The following ZMYM6 variants were observed in gnomAD, a reference collection of about 807,000 sequenced individuals.
ZMYM6 encodes zinc finger MYM-type containing 6, also known as zinc finger MYM-type protein 6.
In ZMYM6, 90 loss-of-function variants were observed where a neutral mutation model predicts 134.0. That is an observed-to-expected ratio of 0.67 (90% CI 0.57 to 0.80). The LOEUF (loss-of-function observed/expected upper bound fraction) is 0.80, where lower values mean the gene tolerates loss of function less well. Among genes scored for constraint, ZMYM6 ranks in the 30% least tolerant of loss-of-function variants. The probability of loss-of-function intolerance (pLI) is 0.00; values close to 1 mark genes in which losing one functional copy is unlikely to be tolerated. For synonymous variants in ZMYM6, 481 were observed against 524.1 expected (o/e 0.92, Z 1.12); for missense variants, 1,362 against 1,533.9 (o/e 0.89, Z 1.87).
intron 15 of ZMYM6, among the ~76,000 whole-genome samples, chr1:34,990,941 C>T (rs968935836): frequency 3.3e-5 from 5 of 152,054 alleles, no homozygotes; most frequent in South Asian, 2.1e-4. Context: ...CTCAGCTCAC[C>T]GCAACCTCTA....
intron 2 of ZMYM6, among the ~76,000 whole-genome samples, chr1:35,028,944 A>C (rs1261813032): frequency 2.6e-5 from 4 of 151,696 alleles, no homozygotes; most frequent in African/African-American, 9.7e-5. Context: ...TAATCCTAGC[A>C]CTTTGGGAGG....
Position 35,011,880 on chromosome 1 carries a change from T to C in ZMYM6, c.1062+10A>G, listed in dbSNP as rs371133119. 7.0e-6 allele frequency: 11 copies of C among 1,578,708 alleles called. No homozygotes were observed. In the African/African-American group the frequency reaches 1.2e-4, roughly 17 times the overall value. On this transcript the variant is annotated intron_variant, in intron 8 of 15. Coordinates refer to ENST00000357182, the MANE Select transcript of ZMYM6 (RefSeq NM_007167.4). Reference sequence around the variant, plus strand: ...GAACCACATGCATAATGTGCTACCTTAGATCATACCTGGAAAGCAACCACA... The same window carrying C: ...GAACCACATGCATAATGTGCTACCTCAGATCATACCTGGAAAGCAACCACA...
chr1:35,010,646 T>C, intron 9 of ZMYM6, 49 bp from the exon 10 acceptor site: 1 of 1,561,508 alleles, frequency 6.4e-7, no homozygotes, highest in East Asian at 2.2e-5. Context: ...AGTTGCTTTA[T>C]CTTTAAGAAC....
At chr1:35,017,554 A>G in intron 4 of ZMYM6, 1 of 152,222 alleles carries the variant, frequency 6.6e-6, no homozygotes, top group East Asian at 1.9e-4. Context: ...GTTATATCGT[A>G]ACATTTACCG....
intron 15 of ZMYM6, chr1:34,989,946 T>A (rs1433855898): frequency 6.6e-6 from 1 of 152,050 alleles, no homozygotes; most frequent in Admixed American, 6.6e-5. Flanking sequence ...AAAATAATGT[T>A]TTACTTTCAA....
chr1:35,014,737 T>A lies in ZMYM6; in HGVS notation c.755A>T (p.Gln252Leu), dbSNP rs750472987. The A allele has an allele frequency of 2.5e-6, 4 of 1,613,976 alleles. No individual in the cohort carries two copies. The African/African-American group carries it at 5.3e-5, about 22-fold the overall frequency. The change falls in exon 6 of 16, where the codon CAG (glutamine) becomes CTG (leucine). Residue 252 changes from glutamine to leucine, a missense_variant. By Grantham distance (113) the Gln-to-Leu change is moderately radical. This residue lies in a region of ZMYM6 where 503 missense variants were observed against 520.8 expected (regional missense o/e 0.97). Coordinates refer to ENST00000357182, the MANE Select transcript of ZMYM6 (RefSeq NM_007167.4). ...CYSSSGPCQS[Q>L]KVFSSTSVTA... The stretch of plus-strand genomic sequence containing the variant: ...GACACTTGTTGAACTAAAAACCTTC[T>A]GGGATTGGCAAGGACCAGAGCTACT...
chr1:35,030,922 AAT>A (rs1641510640), intron 1 of ZMYM6, among the ~76,000 whole-genome samples: 1 of 152,136 alleles, frequency 6.6e-6, no homozygotes. Context: ...CCACTTCTCT[AAT>A]ATCTTTAAAG....
intron 14 of ZMYM6, among the ~76,000 whole-genome samples, chr1:34,992,835 ATATACT>A (rs1433136149): frequency 6.9e-6 from 1 of 145,550 alleles, no homozygotes; most frequent in African/African-American, 2.5e-5. Context: ...AAATATAAAA[ATATACT>A]TATAAACTAT....
chr1:35,008,807 A>G lies in ZMYM6; in HGVS notation c.1610T>C (p.Leu537Ser), dbSNP rs770392540. ...ACAATCTTCACAACAAAACTCTTCT[A>G]ACTTGCCCTCCAATCGATTTTCTAC... Reference protein sequence around the residue: ...NLVENRLEGKLEEFCCEDCMS... With the variant: ...NLVENRLEGKSEEFCCEDCMS... The change falls in exon 11 of 16, where the codon TTA becomes TCA. Residue 537 changes from leucine to serine, a missense_variant. Physicochemically the swap from Leu to Ser is moderately radical, Grantham distance 145. Around this residue, in one of 3 missense-constraint regions of ZMYM6, gnomAD observed 824 missense variants for 940.9 expected, o/e 0.88. Transcript: ENST00000357182. 4.3e-6 allele frequency: 7 copies of G among 1,614,154 alleles called. No individual in the cohort carries two copies. Among genetic ancestry groups the G allele is most frequent in the Non-Finnish European group, 5.9e-6 (7 of 1,179,998 alleles).
At chr1:35,015,412 G>GAGTGA (rs1293275408) in intron 4 of ZMYM6, among the ~76,000 whole-genome samples, 1 of 152,138 alleles carries the variant, frequency 6.6e-6, no homozygotes, top group East Asian at 1.9e-4. Context: ...AATTTGTCAA[G>GAGTGA]AGTGAATTAT....
intron 2 of ZMYM6, among the ~76,000 whole-genome samples, chr1:35,022,811 T>C (rs879366312): frequency 1.2e-4 from 18 of 152,148 alleles, no homozygotes; most frequent in African/African-American, 4.1e-4. Context: ...ATCACATCCA[T>C]TATGGACAAT....
chr1:35,014,885 G>C lies in ZMYM6; in HGVS notation c.607C>G (p.Arg203Gly), dbSNP rs764533752. The change falls in exon 6 of 16, where the codon CGA (arginine) becomes GGA (glycine). Residue 203 changes from arginine (R) to glycine (G), a missense_variant. Transcript: ENST00000357182. Reference protein sequence around the residue: ...CSMCQKNADTRFEVKYQNVVH... With the variant: ...CSMCQKNADTGFEVKYQNVVH... ...ACATTTTGATATTTAACTTCAAATC[G>C]AGTCTAGGAAATAAACACACACATA... 3.7e-6 allele frequency: 6 copies of C among 1,613,758 alleles called. No homozygotes were observed. The highest frequency in any genetic ancestry group is 4.2e-6 in the Non-Finnish European group (5 of 1,179,868).
chr1:35,003,180 CAAAAAAAAAAAAAA>C (rs202093628), intron 14 of ZMYM6, among the ~76,000 whole-genome samples: 1 of 63,058 alleles, frequency 1.6e-5, no homozygotes, highest in Non-Finnish European at 3.9e-5. Context: ...GACCCTGTCT[CAAAAAAAAAAAAAA>C]AAAAAAAAAG....
chr1:35,012,408 A>C, intron 7 of ZMYM6, 23 bp downstream of exon 7: 3 of 1,462,182 alleles, frequency 2.1e-6, no homozygotes, highest in Non-Finnish European at 2.7e-6. Flanking sequence ...TAAATCTATA[A>C]ATTTATCAAA....
chr1:35,019,480 T>G lies in ZMYM6; in HGVS notation c.301A>C (p.Lys101Gln), dbSNP rs371367325. 53 of 1,614,026 alleles carry G rather than the reference T, an allele frequency of 3.3e-5. No homozygotes were observed. Among genetic ancestry groups the G allele is most frequent in the Admixed American group, 5.0e-5 (3 of 59,984 alleles). The change falls in exon 4 of 16, where the codon AAG becomes CAG. Residue 101 changes from lysine to glutamine, a missense_variant. Physicochemically the swap from Lys to Gln is moderately conservative, Grantham distance 53 (BLOSUM62 1). Transcript: ENST00000357182. ...GTCTTATGATATGCAGTTTGGCCCT[T>G]ATAAAGCATTTTTTTACAACCAGAA... ...FCSGCKKMLYKGQTAYHKTGS... is the reference protein window; with the variant it reads ...FCSGCKKMLYQGQTAYHKTGS...
In ZMYM6 at chr1:34,987,939, C is replaced by T. The variant is rs536584331; in HGVS notation, c.3143G>A (p.Arg1048His). 21 of 1,551,632 alleles carry T rather than the reference C, an allele frequency of 1.4e-5. No homozygotes were observed. Among genetic ancestry groups the T allele is most frequent in the South Asian group, 8.3e-5 (7 of 84,058 alleles). Residue 1048 changes from arginine to histidine, a missense_variant, in exon 16 of 16, where the codon CGT becomes CAT. By Grantham distance (29) the Arg-to-His change is conservative. This residue lies in a region of ZMYM6 where 824 missense variants were observed against 940.9 expected (regional missense o/e 0.88). Transcript: ENST00000357182. ...SFIKSNALNS[R>H]MLTILCEEMG... ...CTCTTCACACAAAATTGTTAACATA[C>T]GTGAATTTAATGCATTGCTCTTTAT... is the stretch of plus-strand genomic sequence containing the variant.
rs1411981851 is a variant in ZMYM6, at chr1:35,019,598, C to A, written c.183G>T (p.Gln61His). ...AAAGCTGAAAGCCTGGGTTCAACTGCTGGGCTATCAAAACAAAATAAAAAA... is the reference window on the plus strand; with the variant it reads ...AAAGCTGAAAGCCTGGGTTCAACTGATGGGCTATCAAAACAAAATAAAAAA... Reference protein sequence around the residue: ...VSSVNERPIAQQLNPGFQLSF... With the variant: ...VSSVNERPIAHQLNPGFQLSF... The change falls in exon 4 of 16, where the codon CAG (glutamine) becomes CAT (histidine). Residue 61 changes from glutamine (Q) to histidine (H), a missense_variant. Around this residue, in one of 3 missense-constraint regions of ZMYM6, gnomAD observed 503 missense variants for 520.8 expected, o/e 0.97. Coordinates refer to ENST00000357182, the MANE Select transcript of ZMYM6 (RefSeq NM_007167.4). The A allele has an allele frequency of 5.0e-6, 8 of 1,586,368 alleles. No individual in the cohort carries two copies. The highest frequency in any genetic ancestry group is 6.8e-6 in the Non-Finnish European group (8 of 1,172,502).
chr1:35,013,888 CACCATGTTGGTCAGGCTGGTCTCGA>C (rs1355510405), intron 6 of ZMYM6, among the ~76,000 whole-genome samples: 2 of 152,166 alleles, frequency 1.3e-5, no homozygotes, highest in African/African-American at 2.4e-5. Context: ...GACAGGGTTT[CACCATGTTGGTCAGGCTGGTCTCGA>C]ACCCCTGACC....
chr1:35,009,094 C>CTTTTA (rs920180009), intron 10 of ZMYM6, among the ~76,000 whole-genome samples, 170 bp from the exon 11 acceptor site: 1 of 152,052 alleles, frequency 6.6e-6, no homozygotes, highest in Admixed American at 6.6e-5. Context: ...CTCATACCAC[C>CTTTTA]TTTTATTTTA....
Sources: gnomAD v4.1 joint callset for allele counts (sites outside exome capture counted in the v4.1 genomes callset) on GRCh38, gnomAD v4.1.1 for gene constraint, gnomAD v4.1.1 regional missense constraint, MANE v1.5 for transcripts, NCBI Gene and HGNC (gene_info 2026-07-23, HGNC 2026-07-21) for gene names.